EGFLAM: variants seen among roughly 807,000 people sequenced by gnomAD.
The protein encoded by EGFLAM is pikachurin.
Under a neutral mutation model 113.1 loss-of-function variants are expected in EGFLAM, and 79 were observed. That is an observed-to-expected ratio of 0.70 (90% CI 0.58 to 0.84). The LOEUF (loss-of-function observed/expected upper bound fraction) is 0.84, where lower values mean the gene tolerates loss of function less well. EGFLAM is among the 40% of genes least tolerant of loss of function. The pLI, the probability that EGFLAM is intolerant of heterozygous loss-of-function variation, is 0.00. For missense variants in EGFLAM, 1,265 were observed against 1,291.6 expected (o/e 0.98, Z 0.32); for synonymous variants, 504 against 487.6 (o/e 1.03, Z -0.44).
At chr5:38,306,173 G>A (rs1475482228) in intron 1 of EGFLAM, among the ~76,000 whole-genome samples, 1 of 152,180 alleles carries the variant, frequency 6.6e-6, no homozygotes, top group Non-Finnish European at 1.5e-5. Flanking sequence ...TCTAATAAAT[G>A]ATTCCTTGAT....
Position 38,307,719 on chromosome 5 carries a change from C to A in EGFLAM, c.98-29801C>A, listed in dbSNP as rs551597612. The stretch of plus-strand genomic sequence containing the variant: ...TTCCTATTACTCTTTGCATATTATT[C>A]TCTTGCCAGTGATCTTTCTCTTTGC... On this transcript the variant is annotated intron_variant, in intron 1 of 21. Transcript: ENST00000322350. Among the ~76,000 whole-genome samples the A allele has an allele frequency of 3.9e-5, 6 of 152,330 alleles. No individual in the cohort carries two copies. The South Asian group carries it at 1.2e-3, about 32-fold the overall frequency.
At chr5:38,293,251 T>C (rs963710200) in intron 1 of EGFLAM, among the ~76,000 whole-genome samples, 1 of 152,192 alleles carries the variant, frequency 6.6e-6, no homozygotes, top group Non-Finnish European at 1.5e-5. Flanking sequence ...TGGGCTTGAG[T>C]TCCAGTTCCT....
At chr5:38,303,594 C>T (rs1299304565) in intron 1 of EGFLAM, among the ~76,000 whole-genome samples, 3 of 152,162 alleles carry the variant, frequency 2.0e-5, no homozygotes, top group African/African-American at 7.2e-5. Flanking sequence ...TCTTTGTCTT[C>T]CCTAAAGTAG....
chr5:38,289,754 G>A (rs1196045237), intron 1 of EGFLAM, among the ~76,000 whole-genome samples: 1 of 152,136 alleles, frequency 6.6e-6, no homozygotes, highest in Non-Finnish European at 1.5e-5. Context: ...TGAAGACTAG[G>A]GATATACAAG....
At chr5:38,342,846 A>G (rs1420234256) in intron 3 of EGFLAM, among the ~76,000 whole-genome samples, 3 of 152,202 alleles carry the variant, frequency 2.0e-5, no homozygotes, top group Non-Finnish European at 2.9e-5. Context: ...CTAATATATT[A>G]TGTACATTAT....
chr5:38,392,591 T>G (rs777197567), intron 6 of EGFLAM, among the ~76,000 whole-genome samples: 3 of 150,910 alleles, frequency 2.0e-5, no homozygotes, highest in Non-Finnish European at 4.4e-5. Context: ...ATGTGTTCCC[T>G]TTTCTCCACA....
intron 14 of EGFLAM, 191 bp downstream of exon 14, chr5:38,427,443 C>T (rs1742053964): frequency 1.2e-6 from 1 of 841,092 alleles, no homozygotes; most frequent in African/African-American, 1.7e-5. Flanking sequence ...GCTCTCCTGC[C>T]CACAAGGCTT....
chr5:38,462,909 G>T lies in EGFLAM; in HGVS notation c.2773G>T (p.Asp925Tyr), dbSNP rs200256846. ...GRWHRVKAVRDGQSGKITVDD... is the reference protein window; with the variant it reads ...GRWHRVKAVRYGQSGKITVDD... ...CTTTTTTGTTTTGGTGTTTTGCAGG[G>T]ATGGCCAGTCAGGAAAGATAACCGT... The change falls in exon 21 of 22, where the codon GAT becomes TAT. Residue 925 changes from aspartate to tyrosine, a missense_variant and splice_region_variant. By Grantham distance (160) the Asp-to-Tyr change is radical (BLOSUM62 -3). Transcript: ENST00000322350. 35 of 1,613,998 alleles carry T rather than the reference G, an allele frequency of 2.2e-5. No individual in the cohort carries two copies. The highest frequency in any genetic ancestry group is 1.6e-4 in the Middle Eastern group (1 of 6,082).
intron 1 of EGFLAM, among the ~76,000 whole-genome samples, chr5:38,268,035 A>G (rs1261055174): frequency 6.6e-6 from 1 of 152,116 alleles, no homozygotes; most frequent in African/African-American, 2.4e-5. Flanking sequence ...AGCTCCATTC[A>G]TTTCTGTGTT....
At chr5:38,318,181 T>G (rs1245973874) in intron 1 of EGFLAM, among the ~76,000 whole-genome samples, 23 of 152,004 alleles carry the variant, frequency 1.5e-4, no homozygotes, top group Non-Finnish European at 2.8e-4. Context: ...GACCCTCATT[T>G]TTTTCAGTTG....
intron 17 of EGFLAM, among the ~76,000 whole-genome samples, chr5:38,440,532 T>A (rs1347514253): frequency 6.6e-6 from 1 of 152,184 alleles, no homozygotes; most frequent in Non-Finnish European, 1.5e-5. Flanking sequence ...GATGGGCGAT[T>A]ATGTTGTTCC....
At chr5:38,312,483 G>A (rs556664334) in intron 1 of EGFLAM, among the ~76,000 whole-genome samples, 4 of 152,014 alleles carry the variant, frequency 2.6e-5, no homozygotes, top group South Asian at 2.1e-4. Context: ...CTCGTGATCC[G>A]CCCGCCTCGG....
intron 11 of EGFLAM, among the ~76,000 whole-genome samples, chr5:38,415,079 G>A (rs1278893462): frequency 6.6e-6 from 1 of 152,098 alleles, no homozygotes; most frequent in Non-Finnish European, 1.5e-5. Context: ...AGAATTAATT[G>A]AGCCAGGCAC....
chr5:38,375,528 C>T (rs1427934661), intron 6 of EGFLAM, among the ~76,000 whole-genome samples: 1 of 152,176 alleles, frequency 6.6e-6, no homozygotes, highest in East Asian at 1.9e-4. Context: ...CCCTGGGGTC[C>T]TCTGTGGCCT....
At chr5:38,343,527 C>T (rs371590140) in intron 3 of EGFLAM, among the ~76,000 whole-genome samples, 8 of 152,068 alleles carry the variant, frequency 5.3e-5, no homozygotes, top group East Asian at 1.9e-4. Context: ...TCCTGCAGTA[C>T]GCAGGACAGA....
chr5:38,281,564 T>C (rs1419178996), intron 1 of EGFLAM, among the ~76,000 whole-genome samples: 2 of 152,194 alleles, frequency 1.3e-5, no homozygotes, highest in Non-Finnish European at 2.9e-5. Flanking sequence ...TCATATTATG[T>C]TTTCTCAGTC....
chr5:38,407,298 G>C (rs1173373707), intron 8 of EGFLAM, 152 bp downstream of exon 8: 1 of 889,970 alleles, frequency 1.1e-6, no homozygotes, highest in Non-Finnish European at 1.7e-6. Context: ...ACTATACAAG[G>C]CAAATTGTGA....
chr5:38,450,508 T>C (rs926623758), intron 18 of EGFLAM, among the ~76,000 whole-genome samples: 1 of 152,222 alleles, frequency 6.6e-6, no homozygotes. Flanking sequence ...AAGAAACTTT[T>C]CCAATGACAT....
At position 38,385,869 on chromosome 5, in the gene EGFLAM, C is replaced by T. The variant is rs1003404551; in HGVS notation, c.712+15407C>T. On this transcript the variant is annotated intron_variant, in intron 6 of 21. Transcript: ENST00000322350. The stretch of plus-strand genomic sequence containing the variant: ...ACCATTAGGTGATTTCCTTGTTGTG[C>T]GAACATCCTAGAGTTGTACTTAGAC... 2.0e-5 allele frequency among the ~76,000 whole-genome samples: 3 copies of T among 152,278 alleles called. No individual in the cohort carries two copies. In the East Asian group the frequency reaches 5.8e-4, roughly 29 times the overall value.
Sources: gnomAD v4.1 joint callset for allele counts (sites outside exome capture counted in the v4.1 genomes callset) on GRCh38, gnomAD v4.1.1 for gene constraint, MANE v1.5 for transcripts, NCBI Gene and HGNC (gene_info 2026-07-23, HGNC 2026-07-21) for gene names.